FRMD4A: variants seen among roughly 807,000 people sequenced by gnomAD.
FRMD4A encodes FERM domain containing 4A.
In FRMD4A, 29 loss-of-function variants were observed where a neutral mutation model predicts 129.1. The observed-to-expected ratio is 0.22, with a 90% CI of 0.17 to 0.31. FRMD4A has a LOEUF of 0.31. Ranked by LOEUF, FRMD4A falls within the 10% of genes least tolerant of loss-of-function variation. The pLI, the probability that FRMD4A is intolerant of heterozygous loss-of-function variation, is 1.00. For synonymous variants in FRMD4A, 634 were observed against 571.6 expected, an observed-to-expected ratio of 1.11 and a Z score of -1.56; for missense variants, 1,272 against 1,375.8, an observed-to-expected ratio of 0.92 and a Z score of 1.19.
In FRMD4A at chr10:13,821,142, G is replaced by A. The variant is rs78766747; in HGVS notation, c.112-10234C>T. ...CGGGGAGGGGAAGCTGCTGCGGGGG[G>A]TGCATGAGGTGACTCTGTGCAGCTC... On this transcript the variant is annotated intron_variant, in intron 3 of 24. Transcript: ENST00000357447. The surrounding 1 kb of genome is among the most constrained non-coding windows in gnomAD (Gnocchi z 4.3). Among the ~76,000 whole-genome samples, 166 of 152,236 alleles carry A rather than the reference G, an allele frequency of 1.1e-3. 2 individuals are homozygous for A. The East Asian group carries it at 0.029, about 26-fold the overall frequency.
At chr10:13,957,370 C>T (rs1166948951) in intron 2 of FRMD4A, among the ~76,000 whole-genome samples, 2 of 152,214 alleles carry the variant, frequency 1.3e-5, no homozygotes, top group African/African-American at 4.8e-5. Context: ...TCTCTTGCCT[C>T]AGCCTCCCGT....
chr10:14,226,648 C>G (rs900346224), intron 2 of FRMD4A, among the ~76,000 whole-genome samples: 5 of 152,226 alleles, frequency 3.3e-5, no homozygotes, highest in African/African-American at 1.2e-4. Context: ...TGCCCGTGTT[C>G]TAAGGGCATG....
At chr10:14,112,862 G>A (rs563388443) in intron 2 of FRMD4A, among the ~76,000 whole-genome samples, 1 of 152,254 alleles carries the variant, frequency 6.6e-6, no homozygotes, top group South Asian at 2.1e-4. Context: ...AATTCAAAAG[G>A]AAACTATGCT....
rs139972555 is a variant in FRMD4A at position 13,698,626 on chromosome 10, A to G, written c.975+2714T>C. On this transcript the variant is annotated intron_variant, in intron 14 of 24. Coordinates refer to ENST00000357447, the MANE Select transcript of FRMD4A (RefSeq NM_018027.5). ...ATGCTAGATTAACTATGACATTAGT[A>G]AAAGATGGCACGTATTTCCTCAAGC... Among the ~76,000 whole-genome samples the G allele has an allele frequency of 1.1e-3, 174 of 152,372 alleles. 1 individual carries two copies. In the East Asian group the frequency reaches 0.013, roughly 11 times the overall value.
intron 2 of FRMD4A, among the ~76,000 whole-genome samples, chr10:13,900,265 A>AT (rs2094804580): frequency 6.6e-6 from 1 of 151,870 alleles, no homozygotes; most frequent in African/African-American, 2.4e-5. Flanking sequence ...TTATTTTGTT[A>AT]TTTTTTCACC....
intron 2 of FRMD4A, among the ~76,000 whole-genome samples, chr10:13,981,356 A>G (rs2095560040): frequency 6.6e-6 from 1 of 152,194 alleles, no homozygotes; most frequent in Non-Finnish European, 1.5e-5. Context: ...TAATGAATCG[A>G]GAGTTTAGGT....
At chr10:13,749,960 A>G (rs1244622820) in intron 8 of FRMD4A, among the ~76,000 whole-genome samples, 3 of 151,396 alleles carry the variant, frequency 2.0e-5, no homozygotes, top group Non-Finnish European at 4.4e-5. Context: ...TCAAGAAAGA[A>G]AAGAAAAGAA....
rs1394755128 is a variant in FRMD4A, at chr10:13,679,359, G to A, written c.1118-4315C>T. Among the ~76,000 whole-genome samples, 9 of 143,014 alleles carry A rather than the reference G, an allele frequency of 6.3e-5. No homozygotes were observed. The South Asian group carries it at 1.4e-3, about 22-fold the overall frequency. The allele number at this position is 143,014 out of a possible 152,430, so 93.8% of individuals were successfully genotyped here. A position where few individuals can be genotyped will look rare whatever the true frequency, so the allele number is the denominator to read the frequency against. On this transcript the variant is annotated intron_variant, in intron 15 of 24. Coordinates refer to ENST00000357447, the MANE Select transcript of FRMD4A (RefSeq NM_018027.5). ...AGGGAATTGCTTGAACCCGGGAGGC[G>A]GAGGTTGCAATGAGCCGAGATTGGT...
chr10:13,757,751 T>C (rs1305490358), intron 8 of FRMD4A, among the ~76,000 whole-genome samples: 1 of 152,222 alleles, frequency 6.6e-6, no homozygotes, highest in Non-Finnish European at 1.5e-5. Context: ...ACTTCGTCTT[T>C]TTTTTATTTG....
intron 4 of FRMD4A, among the ~76,000 whole-genome samples, chr10:13,808,970 T>C (rs1343474645): frequency 3.3e-5 from 5 of 152,188 alleles, no homozygotes; most frequent in Non-Finnish European, 5.9e-5. Context: ...GCCTGGCTTC[T>C]ACGCACGCAC....
At chr10:13,704,414 C>G (rs116932578) in intron 13 of FRMD4A, among the ~76,000 whole-genome samples, 2,345 of 152,280 alleles carry the variant, frequency 0.015, 28 homozygotes, top group South Asian at 0.027. Flanking sequence ...TGGGCTCCTC[C>G]AACTCCCACT....
chr10:14,275,998 A>G (rs953209245), intron 2 of FRMD4A, among the ~76,000 whole-genome samples: 2 of 152,180 alleles, frequency 1.3e-5, no homozygotes, highest in African/African-American at 4.8e-5. Flanking sequence ...TGAATGTGCC[A>G]CTGCTCTCCA....
intron 2 of FRMD4A, among the ~76,000 whole-genome samples, chr10:13,897,447 G>A (rs1023457886): frequency 2.6e-5 from 4 of 152,098 alleles, no homozygotes; most frequent in Non-Finnish European, 5.9e-5. Context: ...TGGAAATGGG[G>A]GAGGTAGGAA....
chr10:13,768,880 T>G (rs1363463244), intron 6 of FRMD4A, among the ~76,000 whole-genome samples: 1 of 152,196 alleles, frequency 6.6e-6, no homozygotes, highest in East Asian at 1.9e-4. Context: ...AAGTATTAGA[T>G]CTATATTATT....
At chr10:14,241,683 TA>T (rs71388168) in intron 2 of FRMD4A, among the ~76,000 whole-genome samples, 70 of 23,402 alleles carry the variant, frequency 3.0e-3, no homozygotes, top group East Asian at 6.6e-3. Context: ...TTACCCTCCC[TA>T]AAAAAAAAAA....
intron 2 of FRMD4A, among the ~76,000 whole-genome samples, chr10:14,160,021 G>A (rs982074598): frequency 6.6e-6 from 1 of 152,164 alleles, no homozygotes; most frequent in African/African-American, 2.4e-5. Flanking sequence ...CTGCACTCCA[G>A]CCTGGGCAAC....
chr10:13,816,481 A>C (rs1386752448), intron 3 of FRMD4A, among the ~76,000 whole-genome samples: 1 of 152,212 alleles, frequency 6.6e-6, no homozygotes, highest in Non-Finnish European at 1.5e-5. Context: ...AACCTAGCCT[A>C]TCCTGATTGA....
Position 13,864,858 on chromosome 10 carries a change from T to C in FRMD4A, c.46-5946A>G, listed in dbSNP as rs61631673. ...TCCCAAAATGATGCAATTACAGGTG[T>C]GAGCCACCGCACCTGGCCTGCAAAA... On this transcript the variant is annotated intron_variant, in intron 2 of 24. Transcript: ENST00000357447. Among the ~76,000 whole-genome samples the C allele has an allele frequency of 8.9e-3, 1,357 of 152,310 alleles. 47 individuals are homozygous for C. Among genetic ancestry groups the C allele is most frequent in the Admixed American group, 0.058 (888 of 15,298 alleles).
At chr10:13,975,729 T>C (rs1449672073) in intron 2 of FRMD4A, among the ~76,000 whole-genome samples, 1 of 150,932 alleles carries the variant, frequency 6.6e-6, no homozygotes, top group Non-Finnish European at 1.5e-5. Flanking sequence ...TCTCTGAATC[T>C]CTATATATGT....
Sources: allele counts gnomAD v4.1 joint callset (sites outside exome capture counted in the v4.1 genomes callset), GRCh38; gene constraint gnomAD v4.1.1; non-coding constraint Gnocchi (gnomAD v3.1); transcripts MANE v1.5; gene names NCBI Gene and HGNC (gene_info 2026-07-23, HGNC 2026-07-21).